AP2A1: variants seen among roughly 807,000 people sequenced by gnomAD.
AP2A1 encodes adaptor related protein complex 2 subunit alpha 1.
Under a neutral mutation model 107.3 loss-of-function variants are expected in AP2A1, and 21 were observed. The ratio of observed to expected loss-of-function variants is 0.20; its 90% confidence interval spans 0.14 to 0.28. AP2A1 has a LOEUF of 0.28. AP2A1 is among the 10% of genes least tolerant of loss of function. AP2A1 has a pLI of 1.00. For synonymous variants in AP2A1, 602 were observed against 564.8 expected (o/e 1.07, Z -0.93); for missense variants, 873 against 1,307.7 (o/e 0.67, Z 5.13).
Position 49,793,035 on chromosome 19 carries a change from G to C in AP2A1, c.648G>C (p.Lys216Asn), listed in dbSNP as rs574980182. 6.2e-7 allele frequency: 1 copy of C among 1,610,604 alleles called. No homozygotes were observed. The highest frequency in any genetic ancestry group is 8.5e-7 in the Non-Finnish European group (1 of 1,178,574). Residue 216 changes from lysine to asparagine, a missense_variant, in exon 6 of 23, where the codon AAG becomes AAC. By Grantham distance (94) the Lys-to-Asn change is moderately conservative. Transcript: ENST00000354293. ...TCAGCCTCATCACCTGTCTCTGCAA[G>C]AAGAACCCAGATGACTTCAAGACGT... ...AAVSLITCLC[K>N]KNPDDFKTCV...
chr19:49,807,025 T>TCC lies in AP2A1; in HGVS notation c.*269_*270dup. 1.6e-6 allele frequency: 1 copy of TCC among 630,710 alleles called. No homozygotes were observed. The highest frequency in any genetic ancestry group is 4.5e-5 in the Admixed American group (1 of 22,122). The allele number at this position is 630,710 out of a possible 1,614,324, so 39.1% of individuals were successfully genotyped here. A position where few individuals can be genotyped will look rare whatever the true frequency, so the allele number is the denominator to read the frequency against. ...CCAGGGAAGTGGATGTCTCCTCCCC[T>TCC]CCCACCCCACCCTGTTGTAGCCCCT... On this transcript the variant is annotated 3_prime_UTR_variant, in exon 23 of 23. Coordinates refer to ENST00000354293, the MANE Select transcript of AP2A1 (RefSeq NM_130787.3).
At position 49,801,809 on chromosome 19, in the gene AP2A1, G is replaced by A. The variant is rs764209835; in HGVS notation, c.1873G>A (p.Gly625Ser). ...GAAACGCAAGAAGGGGCCAGGGGCC[G>A]GCAGCGCCCTGGACGATGGCCGGAG... Reference protein sequence around the residue: ...KLKRKKGPGAGSALDDGRRDP... With the variant: ...KLKRKKGPGASSALDDGRRDP... The change falls in exon 14 of 23, where the codon GGC becomes AGC. Residue 625 changes from glycine (G) to serine (S), a missense_variant. Transcript: ENST00000354293. 3.9e-6 allele frequency: 6 copies of A among 1,553,032 alleles called. No homozygotes were observed. Among genetic ancestry groups the A allele is most frequent in the East Asian group, 2.3e-5 (1 of 43,154 alleles).
intron 4 of AP2A1, among the ~76,000 whole-genome samples, chr19:49,787,794 C>T (rs939609951): frequency 1.3e-5 from 2 of 152,154 alleles, no homozygotes; most frequent in African/African-American, 2.4e-5. Flanking sequence ...ATTCCCTCTT[C>T]CCCCCAGCCC....
chr19:49,798,002 G>C (rs1425903033), intron 7 of AP2A1, among the ~76,000 whole-genome samples: 3 of 152,232 alleles, frequency 2.0e-5, no homozygotes, highest in Non-Finnish European at 4.4e-5. Flanking sequence ...GAAACCAGGA[G>C]ATGCCATTGC....
chr19:49,773,350 C>G (rs1418126982), intron 1 of AP2A1, among the ~76,000 whole-genome samples: 3 of 152,110 alleles, frequency 2.0e-5, no homozygotes, highest in Non-Finnish European at 4.4e-5. Context: ...TGCACACTGC[C>G]CTGAGCTCTT....
chr19:49,769,264 AAAAG>A (rs200023501), intron 1 of AP2A1, among the ~76,000 whole-genome samples: 1,653 of 152,200 alleles, frequency 0.011, 33 homozygotes, highest in African/African-American at 0.037. Flanking sequence ...AAAATAAAAA[AAAAG>A]AAAAAGAAAC....
intron 15 of AP2A1, chr19:49,802,604 G>T: frequency 6.3e-7 from 1 of 1,583,980 alleles, no homozygotes; most frequent in Non-Finnish European, 8.5e-7. Context: ...TGCTGAGTAA[G>T]GGGTGGCCTG....
intron 4 of AP2A1, among the ~76,000 whole-genome samples, chr19:49,790,129 A>C (rs2073123393): frequency 6.6e-6 from 1 of 152,194 alleles, no homozygotes; most frequent in Non-Finnish European, 1.5e-5. Context: ...GCTAAAATCA[A>C]GGCGTGGGCA....
intron 7 of AP2A1, chr19:49,796,992 G>T (rs1271285166): frequency 6.6e-6 from 1 of 152,266 alleles, no homozygotes; most frequent in Non-Finnish European, 1.5e-5. Context: ...GATGAATTCT[G>T]TTGTGTGGCC....
intron 4 of AP2A1, among the ~76,000 whole-genome samples, chr19:49,787,574 C>CT (rs1175977802): frequency 6.6e-6 from 1 of 150,430 alleles, no homozygotes; most frequent in Admixed American, 6.6e-5. Context: ...GTCTCAAACT[C>CT]TTGACCTCTA....
intron 8 of AP2A1, 85 bp from the exon 9 acceptor site, chr19:49,799,242 T>A: frequency 1.4e-6 from 2 of 1,459,598 alleles, no homozygotes; most frequent in Admixed American, 4.0e-5. Flanking sequence ...TTGGGGGCTG[T>A]GAGATGGGTC....
Position 49,805,570 on chromosome 19 carries a change from G to C in AP2A1, c.2462G>C (p.Arg821Pro). 6.3e-7 allele frequency: 1 copy of C among 1,575,612 alleles called. No individual in the cohort carries two copies. Among genetic ancestry groups the C allele is most frequent in the Non-Finnish European group, 8.6e-7 (1 of 1,160,410 alleles). The change falls in exon 19 of 23, where the codon CGC (arginine) becomes CCC (proline). Residue 821 changes from arginine (R) to proline (P), a missense_variant. Physicochemically the swap from Arg to Pro is moderately radical, Grantham distance 103 (BLOSUM62 -2). This residue lies in a region of AP2A1 where 416 missense variants were observed against 473.4 expected (regional missense o/e 0.88). Coordinates refer to ENST00000354293, the MANE Select transcript of AP2A1 (RefSeq NM_130787.3). The stretch of plus-strand genomic sequence containing the variant: ...CTGACGCCCCCGCTGCTGTCCGTGC[G>C]CTTCCGGTGAGTCAGGTACGGCGCG... ...DFLTPPLLSV[R>P]FRYGGAPQAL...
Position 49,799,979 on chromosome 19 carries a change from G to A in AP2A1, c.1284G>A (p.Val428=), listed in dbSNP as rs1174957325. 4 of 1,613,540 alleles carry A rather than the reference G, an allele frequency of 2.5e-6. No homozygotes were observed. The highest frequency in any genetic ancestry group is 2.2e-5 in the East Asian group (1 of 44,858). The stretch of plus-strand genomic sequence containing the variant: ...CGCCCCGGCGGCAGGTCCTGAAGGT[G>A]GCCATCCTGGCCGAGAAGTACGCCG... ...YAIREEIVLK[V]AILAEKYAVD... The change falls in exon 11 of 23, where the codon GTG becomes GTA. Residue 428 remains valine (V), a synonymous_variant. Coordinates refer to ENST00000354293, the MANE Select transcript of AP2A1 (RefSeq NM_130787.3).
intron 1 of AP2A1, among the ~76,000 whole-genome samples, chr19:49,774,604 T>G (rs1194978171): frequency 6.6e-6 from 1 of 152,042 alleles, no homozygotes; most frequent in African/African-American, 2.4e-5. Context: ...CCGGCATATG[T>G]TGAAATTTTC....
intron 4 of AP2A1, among the ~76,000 whole-genome samples, chr19:49,789,647 C>T (rs1440767621): frequency 4.7e-5 from 7 of 148,436 alleles, no homozygotes; most frequent in South Asian, 2.2e-4. Flanking sequence ...CTGGCCAGGC[C>T]GGTCTCAAAC....
At chr19:49,802,680 C>G (rs898187605) in intron 15 of AP2A1, 10 of 1,341,964 alleles carry the variant, frequency 7.5e-6, no homozygotes, top group Non-Finnish European at 1.0e-5. Context: ...ACTGGGAGCC[C>G]TCGTCAACGG....
At chr19:49,802,224 GC>G in intron 15 of AP2A1, 83 bp downstream of exon 15, 1 of 1,137,318 alleles carries the variant, frequency 8.8e-7, no homozygotes, top group Non-Finnish European at 1.3e-6. Flanking sequence ...TTTTCCCTGA[GC>G]CCCTCCCCCG....
intron 1 of AP2A1, among the ~76,000 whole-genome samples, chr19:49,775,682 C>T (rs184382152): frequency 1.4e-3 from 206 of 152,208 alleles, no homozygotes; most frequent in Middle Eastern, 6.8e-3. Context: ...GGATTAGAGG[C>T]GGGAGGCATT....
In AP2A1 at chr19:49,798,938, C is replaced by A. The variant is rs1324517313; in HGVS notation, c.951C>A (p.Ile317=). ...TCCTCTTCGAGACCATCAGCCTCAT[C>A]ATCCACTATGACAGGTGCCCGCCTG... The part of the protein sequence containing the change: ...NAILFETISL[I]IHYDSEPNLL... The change falls in exon 8 of 23, where the codon ATC becomes ATA. Residue 317 remains isoleucine, a synonymous_variant. Transcript: ENST00000354293. 2 of 1,552,858 alleles carry A rather than the reference C, an allele frequency of 1.3e-6. No individual in the cohort carries two copies. The highest frequency in any genetic ancestry group is 1.7e-6 in the Non-Finnish European group (2 of 1,147,636).
Sources: allele counts gnomAD v4.1 joint callset (sites outside exome capture counted in the v4.1 genomes callset), GRCh38; gene constraint gnomAD v4.1.1; regional missense constraint gnomAD v4.1.1; transcripts MANE v1.5; gene names NCBI Gene and HGNC (gene_info 2026-07-23, HGNC 2026-07-21).